Variants in GRK4 observed in about 807,000 individuals in gnomAD.
GRK4 encodes the protein G protein-coupled receptor kinase 4.
In GRK4, 73 loss-of-function variants were observed where a neutral mutation model predicts 77.9. The ratio of observed to expected loss-of-function variants is 0.94; its 90% CI spans 0.78 to 1.14. The LOEUF is 1.14. Ranked by LOEUF, GRK4 falls within the 50% of genes most tolerant of loss-of-function variation. The pLI is 0.00. For missense variants in GRK4, 729 were observed against 700.2 expected (o/e 1.04, Z -0.46); for synonymous variants, 257 against 254.4 (o/e 1.01, Z -0.10).
rs1273012593 is a variant in GRK4 at position 3,013,833 on chromosome 4, G to C, written c.741+5G>C. The C allele has an allele frequency of 3.1e-6, 5 of 1,605,014 alleles. No homozygotes were observed. Among genetic ancestry groups the C allele is most frequent in the Non-Finnish European group, 3.4e-6 (4 of 1,177,172 alleles). On this transcript the variant is annotated splice_donor_5th_base_variant and intron_variant, in intron 8 of 15. Coordinates refer to ENST00000398052, the MANE Select transcript of GRK4 (RefSeq NM_182982.3). ...AAAGTGCAAAGTAGATTCGTAGTAAGTGTCTCCTCTTAGTCTTCACTGTGC... is the reference window on the plus strand; with the variant it reads ...AAAGTGCAAAGTAGATTCGTAGTAACTGTCTCCTCTTAGTCTTCACTGTGC...
At chr4:2,998,835 AT>A (rs35998180) in intron 4 of GRK4, among the ~76,000 whole-genome samples, 7,066 of 147,586 alleles carry the variant, frequency 0.048, 232 homozygotes, top group Middle Eastern at 0.097. Flanking sequence ...TCTAACTACC[AT>A]TTTTTTTTTT....
At chr4:3,003,308 G>A (rs1240582020) in intron 4 of GRK4, among the ~76,000 whole-genome samples, 2 of 152,072 alleles carry the variant, frequency 1.3e-5, no homozygotes, top group Non-Finnish European at 1.5e-5. Flanking sequence ...TCGTGCCTCA[G>A]CCTCCTGAGT....
intron 12 of GRK4, among the ~76,000 whole-genome samples, chr4:3,032,562 G>A (rs765616336): frequency 1.3e-5 from 2 of 152,208 alleles, no homozygotes; most frequent in Non-Finnish European, 2.9e-5. Context: ...GATGAAATCC[G>A]TGGTGTTGGA....
At chr4:3,006,785 G>C (rs1311902103) in intron 5 of GRK4, among the ~76,000 whole-genome samples, 1 of 151,978 alleles carries the variant, frequency 6.6e-6, no homozygotes, top group Admixed American at 6.6e-5. Context: ...GAAAAGAGAT[G>C]TTGGCTCCAT....
chr4:3,040,436 G>A (rs935625875), intron 15 of GRK4, 136 bp from the exon 16 acceptor site: 14 of 625,552 alleles, frequency 2.2e-5, no homozygotes, highest in Non-Finnish European at 3.8e-5. Context: ...GTGAGACTAT[G>A]TCTCAAAAAA....
intron 1 of GRK4, 68 bp from the exon 2 acceptor site, chr4:2,984,445 G>A (rs1367131776): frequency 2.0e-5 from 16 of 815,690 alleles, no homozygotes; most frequent in East Asian, 2.5e-5. Flanking sequence ...ATATATTGGT[G>A]GAAGTAGTTG....
intron 7 of GRK4, among the ~76,000 whole-genome samples, chr4:3,013,218 G>T (rs1733413808): frequency 6.6e-6 from 1 of 151,428 alleles, no homozygotes; most frequent in African/African-American, 2.4e-5. Flanking sequence ...TAATTTTTTT[G>T]TTTTTTTATT....
intron 4 of GRK4, among the ~76,000 whole-genome samples, chr4:2,997,961 C>A (rs1365774383): frequency 6.7e-6 from 1 of 148,214 alleles, no homozygotes; most frequent in Non-Finnish European, 1.5e-5. Context: ...AGATTAGGAA[C>A]AAGACAAGAT....
Position 3,004,251 on chromosome 4 carries a change from A to C in GRK4, c.360A>C (p.Glu120Asp). Reference protein sequence around the residue: ...FNDKLAAPLPEIPPDVVTECR... With the variant: ...FNDKLAAPLPDIPPDVVTECR... ...TTAAGTTGGCAGCCCCTTTACCAGA[A>C]ATACCTCCAGATGTTGTGACAGAAT... The change falls in exon 5 of 16, where the codon GAA (glutamate) becomes GAC (aspartate). Residue 120 changes from glutamate (E) to aspartate (D), a missense_variant. Physicochemically the swap from Glu to Asp is conservative, Grantham distance 45. Transcript: ENST00000398052. 6.2e-7 allele frequency: 1 copy of C among 1,613,640 alleles called. No individual in the cohort carries two copies. Among genetic ancestry groups the C allele is most frequent in the Non-Finnish European group, 8.5e-7 (1 of 1,179,550 alleles).
At chr4:3,038,295 A>C in intron 14 of GRK4, 81 bp from the exon 15 acceptor site, 1 of 1,565,044 alleles carries the variant, frequency 6.4e-7, no homozygotes, top group South Asian at 1.1e-5. Flanking sequence ...GGGGCTGGGC[A>C]GGAGCTGCTG....
At chr4:3,009,566 G>A in intron 6 of GRK4, 82 bp from the exon 7 acceptor site, 13 of 1,037,884 alleles carry the variant, frequency 1.3e-5, no homozygotes, top group East Asian at 2.4e-5. Context: ...TAAATGAGGC[G>A]AAGACAAGCG....
At position 3,019,830 on chromosome 4, in the gene GRK4, A is replaced by G; in HGVS notation, c.931A>G (p.Arg311Gly). The G allele has an allele frequency of 1.2e-6, 2 of 1,612,594 alleles. No homozygotes were observed. Among genetic ancestry groups the G allele is most frequent in the South Asian group, 1.1e-5 (1 of 90,914 alleles). ...TTTACAGAGGGAAAGAATTGTATAC[A>G]GGTAAGAACGGTGCTACCTAATGGA... is the stretch of plus-strand genomic sequence containing the variant. ...EDLQRERIVY[R>G]DLKPENILLD... Residue 311 changes from arginine to glycine, a missense_variant and splice_region_variant, in exon 9 of 16, where the codon AGA becomes GGA. Physicochemically the swap from Arg to Gly is moderately radical, Grantham distance 125 (BLOSUM62 -2). Coordinates refer to ENST00000398052, the MANE Select transcript of GRK4 (RefSeq NM_182982.3).
chr4:3,021,844 C>T (rs969434233), intron 9 of GRK4, among the ~76,000 whole-genome samples: 4 of 152,310 alleles, frequency 2.6e-5, no homozygotes, highest in African/African-American at 7.2e-5. Context: ...CTCTAACCTC[C>T]GGTACCCACT....
intron 12 of GRK4, 90 bp from the exon 13 acceptor site, chr4:3,035,296 C>A: frequency 7.5e-7 from 1 of 1,325,772 alleles, no homozygotes; most frequent in South Asian, 1.2e-5. Context: ...CTCTGCCCTC[C>A]CGAGTCCTTT....
intron 6 of GRK4, among the ~76,000 whole-genome samples, chr4:3,008,736 G>A (rs906344496): frequency 1.3e-5 from 2 of 151,432 alleles, no homozygotes; most frequent in African/African-American, 4.9e-5. Flanking sequence ...CCAGGAGGTG[G>A]AGGTTGCAGT....
In GRK4 at chr4:3,027,989, G is replaced by A. The variant is rs1433870463; in HGVS notation, c.1048G>A (p.Val350Ile). 3.1e-6 allele frequency: 5 copies of A among 1,614,186 alleles called. No individual in the cohort carries two copies. Among genetic ancestry groups the A allele is most frequent in the Non-Finnish European group, 3.4e-6 (4 of 1,180,020 alleles). The change falls in exon 11 of 16, where the codon GTC (valine) becomes ATC (isoleucine). Residue 350 changes from valine (V) to isoleucine (I), a missense_variant. Coordinates refer to ENST00000398052, the MANE Select transcript of GRK4 (RefSeq NM_182982.3). Reference sequence around the variant, plus strand: ...GAGGGTTCGAGGAAGAGTTGGAACAGTCGGCTACATGGGTTCGTGAGAGGC... The same window carrying A: ...GAGGGTTCGAGGAAGAGTTGGAACAATCGGCTACATGGGTTCGTGAGAGGC... ...GQRVRGRVGT[V>I]GYMAPEVVNN... is the part of the protein sequence containing the mutation.
intron 2 of GRK4, among the ~76,000 whole-genome samples, chr4:2,985,244 C>CA (rs1723954878): frequency 6.6e-6 from 1 of 151,694 alleles, no homozygotes; most frequent in African/African-American, 2.4e-5. Flanking sequence ...ACTAAAAATA[C>CA]AAAAAAATTA....
chr4:2,988,075 CAAAAAAAAAA>C (rs67664476), intron 2 of GRK4, among the ~76,000 whole-genome samples: 1 of 33,656 alleles, frequency 3.0e-5, no homozygotes, highest in Non-Finnish European at 5.8e-5. Flanking sequence ...GGCTCTGTCT[CAAAAAAAAAA>C]AAAAAAAAAA....
intron 13 of GRK4, among the ~76,000 whole-genome samples, chr4:3,037,043 G>GT (rs1740852029): frequency 2.0e-5 from 2 of 100,102 alleles, no homozygotes; most frequent in Non-Finnish European, 3.9e-5. Context: ...GCCTCAGGAG[G>GT]GGTGTGTGTG....
Sources: allele counts gnomAD v4.1 joint callset (sites outside exome capture counted in the v4.1 genomes callset), GRCh38; gene constraint gnomAD v4.1.1; transcripts MANE v1.5; gene names NCBI Gene and HGNC (gene_info 2026-07-23, HGNC 2026-07-21).